Variants in NLGN1 observed in about 807,000 individuals in gnomAD.
NLGN1 encodes the protein neuroligin 1, also known as neuroligin-1.
Under a neutral mutation model 65.5 loss-of-function variants are expected in NLGN1, and 12 were observed. The ratio of observed to expected loss-of-function variants is 0.18; its 90% CI spans 0.12 to 0.30. The LOEUF is 0.30. Ranked by LOEUF, NLGN1 falls within the 10% of genes least tolerant of loss-of-function variation. The pLI is 1.00. For synonymous variants in NLGN1, 350 were observed against 359.5 expected, an observed-to-expected ratio of 0.97 and a Z score of 0.30; for missense variants, 750 against 1,007.1, an observed-to-expected ratio of 0.74 and a Z score of 3.46.
intron 4 of NLGN1, among the ~76,000 whole-genome samples, chr3:173,926,938 A>G (rs1031315193): frequency 5.9e-5 from 9 of 152,198 alleles, no homozygotes; most frequent in African/African-American, 1.7e-4. Flanking sequence ...TGGAAAGCCA[A>G]TTGAGTCTTT....
At chr3:173,521,477 A>T (rs1463503620) in intron 2 of NLGN1, among the ~76,000 whole-genome samples, 1 of 152,204 alleles carries the variant, frequency 6.6e-6, no homozygotes, top group Non-Finnish European at 1.5e-5. Flanking sequence ...CAAATGAGGC[A>T]GTGATTCAAA....
chr3:173,603,251 T>C lies in NLGN1; in HGVS notation c.-320-1028T>C, dbSNP rs190243724. On this transcript the variant is annotated intron_variant, in intron 2 of 6. Coordinates refer to ENST00000457714, the Ensembl canonical transcript of NLGN1. ...ACAAGAAAAGACACATTTTTTGAGC[T>C]GTGTGTTATTTGACAGTTAACATCA... Among the ~76,000 whole-genome samples, 111 of 152,292 alleles carry C rather than the reference T, an allele frequency of 7.3e-4. 2 individuals are homozygous for C. In the East Asian group the frequency reaches 0.02, roughly 27 times the overall value.
intron 2 of NLGN1, among the ~76,000 whole-genome samples, chr3:173,511,234 A>C (rs1472745971): frequency 2.6e-5 from 4 of 152,142 alleles, no homozygotes; most frequent in Non-Finnish European, 4.4e-5. Context: ...GTTAGTAATA[A>C]ACTTTATTTT....
chr3:173,673,449 A>G (rs1174522104), intron 3 of NLGN1, among the ~76,000 whole-genome samples: 1 of 152,228 alleles, frequency 6.6e-6, no homozygotes, highest in Non-Finnish European at 1.5e-5. Context: ...GCATTAAAAT[A>G]TAGCCTATTT....
intron 4 of NLGN1, among the ~76,000 whole-genome samples, chr3:174,142,298 CAG>C (rs2152690384): frequency 6.6e-6 from 1 of 152,214 alleles, no homozygotes; most frequent in South Asian, 2.1e-4. Flanking sequence ...ATGAATTCAT[CAG>C]AGTGTATTTA....
At chr3:173,960,783 C>G (rs1713360364) in intron 4 of NLGN1, among the ~76,000 whole-genome samples, 1 of 148,636 alleles carries the variant, frequency 6.7e-6, no homozygotes, top group Non-Finnish European at 1.5e-5. Flanking sequence ...TTTCAGTCCT[C>G]TAATATTTCT....
At chr3:174,266,632 A>G (rs1476440088) in intron 4 of NLGN1, among the ~76,000 whole-genome samples, 1 of 152,172 alleles carries the variant, frequency 6.6e-6, no homozygotes, top group African/African-American at 2.4e-5. Flanking sequence ...AGAAATCTCT[A>G]AACTGCTTTC....
At chr3:173,519,418 A>G (rs1320917022) in intron 2 of NLGN1, among the ~76,000 whole-genome samples, 1 of 152,254 alleles carries the variant, frequency 6.6e-6, no homozygotes, top group East Asian at 1.9e-4. Context: ...GAAAAGCTGC[A>G]GGCCCTGAAC....
At position 174,279,204 on chromosome 3, in the gene NLGN1, T is replaced by C. The variant is rs1287817899; in HGVS notation, c.1203T>C (p.Asp401=). ...TAAAATTTGTTGAAAATATAGTAGA[T>C]AGCGATGATGGTATATCAGCTAGTG... The change falls in exon 6 of 7, where the codon GAT becomes GAC. Residue 401 remains aspartate, a synonymous_variant. Transcript: ENST00000457714. This position sits in a 1 kb window ranked among gnomAD's most constrained non-coding sequence, Gnocchi z 4.7. 16 of 1,613,350 alleles carry C rather than the reference T, an allele frequency of 9.9e-6. No individual in the cohort carries two copies. Among genetic ancestry groups the C allele is most frequent in the Non-Finnish European group, 1.4e-5 (16 of 1,179,556 alleles).
intron 4 of NLGN1, among the ~76,000 whole-genome samples, chr3:174,011,648 G>A (rs1257541866): frequency 6.6e-6 from 1 of 152,040 alleles, no homozygotes; most frequent in South Asian, 2.1e-4. Flanking sequence ...CTCTGAAACC[G>A]TGGGGCCCTA....
At chr3:174,030,494 T>C (rs1367439399) in intron 4 of NLGN1, among the ~76,000 whole-genome samples, 1 of 152,136 alleles carries the variant, frequency 6.6e-6, no homozygotes, top group African/African-American at 2.4e-5. Flanking sequence ...ATTTGAGTAG[T>C]TTGTGAGCAA....
In NLGN1 at chr3:174,154,978, T is replaced by TGTAATATAATATATA. The variant is rs1561174857; in HGVS notation, c.647-120337_647-120336insGTAATATAATATATA. The stretch of plus-strand genomic sequence containing the variant: ...ATATAATATATAATTATATATAATA[T>TGTAATATAATATATA]ATTATATTATATATTATATATATTT... On this transcript the variant is annotated intron_variant, in intron 4 of 6. Coordinates refer to ENST00000457714, the Ensembl canonical transcript of NLGN1. 8.4e-3 allele frequency among the ~76,000 whole-genome samples: 1,118 copies of TGTAATATAATATATA among 132,712 alleles called. 21 individuals carry two copies. Among genetic ancestry groups the TGTAATATAATATATA allele is most frequent in the Middle Eastern group, 0.027 (7 of 262 alleles). The allele number at this position is 132,712 out of a possible 152,430, so 87.1% of individuals were successfully genotyped here.
chr3:174,000,103 G>A (rs569814927), intron 4 of NLGN1, among the ~76,000 whole-genome samples: 5 of 151,986 alleles, frequency 3.3e-5, no homozygotes, highest in South Asian at 4.2e-4. Context: ...ACCAATCTTT[G>A]ATGCAAGACT....
chr3:173,678,452 G>T (rs187506005), intron 3 of NLGN1, among the ~76,000 whole-genome samples: 6 of 152,250 alleles, frequency 3.9e-5, no homozygotes, highest in African/African-American at 1.4e-4. Flanking sequence ...AACTAGGGCA[G>T]GCTTCACAAA....
chr3:174,219,728 A>C (rs1460289158), intron 4 of NLGN1, among the ~76,000 whole-genome samples: 1 of 152,154 alleles, frequency 6.6e-6, no homozygotes, highest in Non-Finnish European at 1.5e-5. Flanking sequence ...GGCACAAATC[A>C]GATGTTCCAT....
At chr3:173,540,903 C>T (rs1167377337) in intron 2 of NLGN1, among the ~76,000 whole-genome samples, 3 of 152,152 alleles carry the variant, frequency 2.0e-5, no homozygotes, top group Non-Finnish European at 4.4e-5. Flanking sequence ...AGTTCATTCA[C>T]ACCATCAACC....
At chr3:173,485,917 C>G (rs1426104746) in intron 2 of NLGN1, among the ~76,000 whole-genome samples, 3 of 152,030 alleles carry the variant, frequency 2.0e-5, no homozygotes, top group African/African-American at 4.8e-5. Context: ...TGTCACATTT[C>G]TTTCTTTAGG....
chr3:173,413,226 A>G (rs1712963271), intron 1 of NLGN1, among the ~76,000 whole-genome samples: 2 of 152,078 alleles, frequency 1.3e-5, no homozygotes, highest in East Asian at 1.9e-4. Flanking sequence ...TAAGAACACA[A>G]ATTTGCCTCT....
At chr3:173,703,616 T>G (rs1231161371) in intron 3 of NLGN1, among the ~76,000 whole-genome samples, 2 of 152,194 alleles carry the variant, frequency 1.3e-5, no homozygotes, top group Non-Finnish European at 2.9e-5. Flanking sequence ...AAAAAATAAT[T>G]AAAATGTCAC....
Sources: gnomAD v4.1 joint callset for allele counts (sites outside exome capture counted in the v4.1 genomes callset) on GRCh38, gnomAD v4.1.1 for gene constraint, Gnocchi (gnomAD v3.1) non-coding constraint, MANE v1.5 for transcripts, NCBI Gene and HGNC (gene_info 2026-07-23, HGNC 2026-07-21) for gene names.